MME: variants seen among roughly 807,000 people sequenced by gnomAD.
MME encodes the protein neprilysin.
A neutral mutation model predicts 113.2 loss-of-function variants in MME; 98 were observed. The ratio of observed to expected loss-of-function variants is 0.87; its 90% CI spans 0.74 to 1.02. MME has a LOEUF of 1.02. Among genes scored for constraint, MME ranks in the 50% least tolerant of loss-of-function variants. MME has a pLI of 0.00. For synonymous variants in MME, 292 were observed against 300.6 expected, an observed-to-expected ratio of 0.97 and a Z score of 0.30; for missense variants, 836 against 896.0, an observed-to-expected ratio of 0.93 and a Z score of 0.86.
Position 155,133,062 on chromosome 3 carries a change from A to AATAT in MME, c.721-5025_721-5022dup, listed in dbSNP as rs1553762420. Among the ~76,000 whole-genome samples the AATAT allele has an allele frequency of 3.7e-4, 28 of 75,074 alleles. 1 individual carries two copies. Among genetic ancestry groups the AATAT allele is most frequent in the East Asian group, 1.9e-3 (6 of 3,106 alleles). The allele number at this position is 75,074 out of a possible 152,430, so 49.3% of individuals were successfully genotyped here. On this transcript the variant is annotated intron_variant, in intron 8 of 22. Coordinates refer to ENST00000360490, the MANE Select transcript of MME (RefSeq NM_007289.4). The stretch of plus-strand genomic sequence containing the variant: ...TCTAAAAAAAAAAAAAAAAAAAAAA[A>AATAT]ATATATATATATATATATGTATAAA...
At chr3:155,034,938 C>T (rs937910981) in intron 1 of MME, among the ~76,000 whole-genome samples, 4 of 151,976 alleles carry the variant, frequency 2.6e-5, no homozygotes, top group Non-Finnish European at 5.9e-5. Flanking sequence ...AGCAGAATGG[C>T]GAAGTACATT....
chr3:155,102,546 C>T (rs1039302735), intron 3 of MME, among the ~76,000 whole-genome samples: 3 of 152,212 alleles, frequency 2.0e-5, no homozygotes, highest in African/African-American at 7.2e-5. Context: ...AAAGAACTTG[C>T]TCTCACTTGG....
At chr3:155,171,320 A>G (rs1711926499) in intron 20 of MME, among the ~76,000 whole-genome samples, 1 of 152,156 alleles carries the variant, frequency 6.6e-6, no homozygotes, top group South Asian at 2.1e-4. Flanking sequence ...TACATAGTAG[A>G]GGTTCAATAA....
At chr3:155,171,817 A>G (rs1163841075) in intron 20 of MME, among the ~76,000 whole-genome samples, 2 of 152,212 alleles carry the variant, frequency 1.3e-5, no homozygotes, top group Admixed American at 6.5e-5. Flanking sequence ...CAACATTTAG[A>G]TAAGTTTTTC....
intron 3 of MME, among the ~76,000 whole-genome samples, chr3:155,100,317 G>A (rs1449305166): frequency 7.2e-5 from 11 of 152,118 alleles, no homozygotes; most frequent in South Asian, 2.1e-4. Context: ...ATCATCACTG[G>A]CCATCAGAGA....
chr3:155,068,797 T>C (rs904473093), intron 1 of MME, among the ~76,000 whole-genome samples: 2 of 152,200 alleles, frequency 1.3e-5, no homozygotes, highest in African/African-American at 4.8e-5. Flanking sequence ...CAAGAAAAGA[T>C]GAAATAGTGT....
chr3:155,156,827 G>A (rs16824626), intron 16 of MME, among the ~76,000 whole-genome samples: 3,302 of 152,116 alleles, frequency 0.022, 65 homozygotes, highest in East Asian at 0.11. Flanking sequence ...AACACTGGCA[G>A]TACCGGCTCA....
chr3:155,106,268 T>C (rs1717675068), intron 3 of MME, among the ~76,000 whole-genome samples: 2 of 152,230 alleles, frequency 1.3e-5, no homozygotes, highest in African/African-American at 4.8e-5. Flanking sequence ...CTTGGCTTTC[T>C]TGGAACGTAA....
chr3:155,153,681 G>A (rs926472947), intron 16 of MME, among the ~76,000 whole-genome samples: 19 of 152,200 alleles, frequency 1.2e-4, no homozygotes, highest in Admixed American at 1.2e-3. Context: ...AATCATAACT[G>A]TTGAGCCCTG....
chr3:155,063,609 TATATAATATATA>T (rs1714260904), intron 1 of MME, among the ~76,000 whole-genome samples: 6 of 107,964 alleles, frequency 5.6e-5, no homozygotes, highest in African/African-American at 9.6e-5. Context: ...TATATTTGAT[TATATAATATATA>T]ATATATTATA....
intron 1 of MME, among the ~76,000 whole-genome samples, chr3:155,044,158 G>C (rs1299101088): frequency 1.4e-5 from 2 of 139,666 alleles, no homozygotes; most frequent in Non-Finnish European, 3.1e-5. Context: ...TGAGACAGGG[G>C]GTCTTGCTCT....
At chr3:155,097,731 A>G (rs1716858925) in intron 3 of MME, among the ~76,000 whole-genome samples, 1 of 152,230 alleles carries the variant, frequency 6.6e-6, no homozygotes, top group Non-Finnish European at 1.5e-5. Context: ...TGAATGGGTC[A>G]TCATCCAGTT....
chr3:155,164,649 T>C (rs1050909702), intron 17 of MME, among the ~76,000 whole-genome samples: 2 of 152,182 alleles, frequency 1.3e-5, no homozygotes, highest in African/African-American at 4.8e-5. Context: ...CATAACAGCA[T>C]TTTATATAAT....
chr3:155,071,307 G>A lies in MME; in HGVS notation c.-10-12851G>A, dbSNP rs1334319708. Among the ~76,000 whole-genome samples the A allele has an allele frequency of 2.0e-5, 3 of 152,206 alleles. No homozygotes were observed. In the East Asian group the frequency reaches 5.8e-4, roughly 29 times the overall value. On this transcript the variant is annotated intron_variant, in intron 1 of 22. Coordinates refer to the MME transcript ENST00000492661. ...CTCATACGCGTAGCACGTGCAGCATGTTAGGGAGGGACTTTCCTGCCCGAC... is the reference window on the plus strand; with the variant it reads ...CTCATACGCGTAGCACGTGCAGCATATTAGGGAGGGACTTTCCTGCCCGAC...
At chr3:155,058,199 C>T (rs1159989414) in intron 1 of MME, among the ~76,000 whole-genome samples, 1 of 152,138 alleles carries the variant, frequency 6.6e-6, no homozygotes, top group South Asian at 2.1e-4. Flanking sequence ...AATGAAGACT[C>T]ACGCAATATT....
At chr3:155,093,156 G>A (rs1716436440) in intron 3 of MME, among the ~76,000 whole-genome samples, 1 of 151,348 alleles carries the variant, frequency 6.6e-6, no homozygotes, top group African/African-American at 2.4e-5. Context: ...GCTTGCTATT[G>A]TATGTTGAGT....
intron 8 of MME, among the ~76,000 whole-genome samples, chr3:155,129,478 T>A (rs931399008): frequency 6.6e-6 from 1 of 152,202 alleles, no homozygotes; most frequent in African/African-American, 2.4e-5. Context: ...GAAGTCATTT[T>A]TTTTTTGCTT....
At chr3:155,053,044 GC>G (rs966064124) in intron 1 of MME, among the ~76,000 whole-genome samples, 2 of 152,096 alleles carry the variant, frequency 1.3e-5, no homozygotes, top group African/African-American at 4.8e-5. Flanking sequence ...GTTCCTCATT[GC>G]CATTTGAGAC....
At chr3:155,087,800 C>G (rs1452595535) in intron 3 of MME, among the ~76,000 whole-genome samples, 2 of 152,110 alleles carry the variant, frequency 1.3e-5, no homozygotes, top group African/African-American at 4.8e-5. Flanking sequence ...GATTTTGCCT[C>G]AGAGATCTAG....
Sources: allele counts gnomAD v4.1 joint callset (sites outside exome capture counted in the v4.1 genomes callset), GRCh38; gene constraint gnomAD v4.1.1; transcripts MANE v1.5; gene names NCBI Gene and HGNC (gene_info 2026-07-23, HGNC 2026-07-21).